Variants in ORC4 observed in about 807,000 individuals in gnomAD.
ORC4 encodes the protein origin recognition complex, subunit 4 homolog.
ORC4 carries 55 observed loss-of-function variants against 63.9 expected under a neutral mutation model. The observed-to-expected ratio is 0.86, with a 90% CI of 0.69 to 1.08. The LOEUF (loss-of-function observed/expected upper bound fraction) is 1.08. ORC4 is among the 50% of genes least tolerant of loss of function. ORC4 has a pLI of 0.00. For missense variants in ORC4, 511 were observed against 504.4 expected (o/e 1.01, Z -0.13); for synonymous variants, 150 against 168.5 (o/e 0.89, Z 0.85).
At chr2:147,952,089 C>T (rs1688988316) in intron 8 of ORC4, among the ~76,000 whole-genome samples, 1 of 152,124 alleles carries the variant, frequency 6.6e-6, no homozygotes, top group Non-Finnish European at 1.5e-5. Context: ...ATTTAACCGC[C>T]TCATTACTTG....
intron 9 of ORC4, among the ~76,000 whole-genome samples, chr2:147,944,816 G>T (rs1688568782): frequency 6.6e-6 from 1 of 151,688 alleles, no homozygotes; most frequent in African/African-American, 2.4e-5. Context: ...TAGTCTACTG[G>T]AATAAAATTT....
chr2:147,967,315 T>C (rs1184207218), intron 4 of ORC4, among the ~76,000 whole-genome samples: 3 of 152,040 alleles, frequency 2.0e-5, no homozygotes, highest in Non-Finnish European at 4.4e-5. Context: ...TTCAATATAG[T>C]ACTAGATGTT....
chr2:148,004,548 G>T (rs554153695), intron 1 of ORC4, among the ~76,000 whole-genome samples: 48 of 152,256 alleles, frequency 3.2e-4, no homozygotes, highest in African/African-American at 1.0e-3. Flanking sequence ...AAATGGTGTT[G>T]GGAAAACTGG....
intron 1 of ORC4, among the ~76,000 whole-genome samples, chr2:148,008,207 T>C (rs948231580): frequency 2.6e-5 from 4 of 152,206 alleles, no homozygotes; most frequent in Admixed American, 6.5e-5. Context: ...AGAAATCATC[T>C]GAAGGTATAA....
intron 13 of ORC4, 137 bp downstream of exon 13, chr2:147,938,009 T>C (rs530610821): frequency 1.4e-6 from 1 of 701,910 alleles, no homozygotes; most frequent in East Asian, 2.7e-5. Context: ...ATTTCATTTT[T>C]AGATAATTTT....
chr2:148,013,764 G>A (rs1693108233), intron 1 of ORC4, among the ~76,000 whole-genome samples: 1 of 152,024 alleles, frequency 6.6e-6, no homozygotes, highest in South Asian at 2.1e-4. Context: ...TTGGCTCAAA[G>A]CATAAATATA....
At chr2:147,971,133 T>C (rs1440597697) in intron 4 of ORC4, among the ~76,000 whole-genome samples, 1 of 152,072 alleles carries the variant, frequency 6.6e-6, no homozygotes, top group Non-Finnish European at 1.5e-5. Context: ...CAAGACCCTA[T>C]TCTTGTAAGT....
chr2:147,953,187 A>T (rs1358553075), intron 7 of ORC4, among the ~76,000 whole-genome samples: 1 of 142,234 alleles, frequency 7.0e-6, no homozygotes, highest in African/African-American at 2.7e-5. Flanking sequence ...AAAAAAAAAA[A>T]TTAGCTACTT....
In ORC4 at chr2:147,976,007, G is replaced by A. The variant is rs776768005; in HGVS notation, c.-17-32C>T. Reference sequence around the variant, plus strand: ...AAAAATTGGCATAAATATTATAAACGTAGTGACTTAAAGAGATTACTTAAG... The same window carrying A: ...AAAAATTGGCATAAATATTATAAACATAGTGACTTAAAGAGATTACTTAAG... On this transcript the variant is annotated intron_variant, in intron 1 of 13. Coordinates refer to ENST00000392857, the MANE Select transcript of ORC4 (RefSeq NM_181741.4). The A allele has an allele frequency of 2.9e-5, 30 of 1,029,184 alleles. No homozygotes were observed. In the Admixed American group the frequency reaches 3.9e-4, roughly 13 times the overall value. 63.8% of individuals were successfully genotyped at this position (1,029,184 alleles called of 1,614,324 possible).
At chr2:147,983,288 G>A (rs148788924) in intron 1 of ORC4, among the ~76,000 whole-genome samples, 6 of 152,260 alleles carry the variant, frequency 3.9e-5, no homozygotes, top group South Asian at 2.1e-4. Flanking sequence ...AAATTTATTC[G>A]TAATAGTCAA....
chr2:148,005,494 T>C (rs755468749), intron 1 of ORC4, among the ~76,000 whole-genome samples: 1 of 151,896 alleles, frequency 6.6e-6, no homozygotes, highest in Non-Finnish European at 1.5e-5. Flanking sequence ...GTAACAAACC[T>C]ACATGTTCTG....
chr2:147,970,400 C>T (rs796320144), intron 4 of ORC4, among the ~76,000 whole-genome samples: 7 of 152,006 alleles, frequency 4.6e-5, no homozygotes, highest in South Asian at 2.1e-4. Context: ...TGCAGAAGAA[C>T]GAGGTCAGAA....
At chr2:147,977,885 T>C (rs1355834619) in intron 1 of ORC4, among the ~76,000 whole-genome samples, 1 of 151,902 alleles carries the variant, frequency 6.6e-6, no homozygotes, top group Non-Finnish European at 1.5e-5. Flanking sequence ...CACAGCTGAG[T>C]GGGGCTGGAA....
chr2:147,981,099 A>T (rs979032449), intron 1 of ORC4, among the ~76,000 whole-genome samples: 3 of 152,240 alleles, frequency 2.0e-5, no homozygotes, highest in Admixed American at 2.0e-4. Context: ...ATATTCTGTT[A>T]GCTGAAATAA....
At position 147,984,012 on chromosome 2, in the gene ORC4, T is replaced by C. The variant is rs191886146; in HGVS notation, c.-17-8037A>G. On this transcript the variant is annotated intron_variant, in intron 1 of 13. Transcript: ENST00000392857. The stretch of plus-strand genomic sequence containing the variant: ...CAGAACGGTTCTGAATATACAAGAC[T>C]ACTCTTGACTTCTTTTACGACATGG... Among the ~76,000 whole-genome samples, 31 of 152,326 alleles carry C rather than the reference T, an allele frequency of 2.0e-4. 2 individuals carry two copies. The East Asian group carries it at 6.0e-3, about 29-fold the overall frequency.
intron 9 of ORC4, among the ~76,000 whole-genome samples, chr2:147,945,022 T>G (rs1328683967): frequency 6.6e-6 from 1 of 152,040 alleles, no homozygotes; most frequent in Non-Finnish European, 1.5e-5. Context: ...AAAAAAAAAT[T>G]TGTTTAGCTT....
chr2:147,970,414 T>A (rs1442168716), intron 4 of ORC4, among the ~76,000 whole-genome samples: 1 of 152,058 alleles, frequency 6.6e-6, no homozygotes, highest in Non-Finnish European at 1.5e-5. Flanking sequence ...GTCAGAAGAC[T>A]GACAGTACTT....
chr2:147,957,464 G>A (rs941879252), intron 6 of ORC4, among the ~76,000 whole-genome samples: 1 of 151,784 alleles, frequency 6.6e-6, no homozygotes, highest in Non-Finnish European at 1.5e-5. Flanking sequence ...TAAGCAGTAT[G>A]AGGCTAGGTA....
At position 147,982,580 on chromosome 2, in the gene ORC4, T is replaced by A. The variant is rs183055101; in HGVS notation, c.-17-6605A>T. 9.8e-5 allele frequency among the ~76,000 whole-genome samples: 15 copies of A among 152,318 alleles called. No individual in the cohort carries two copies. The East Asian group carries it at 2.9e-3, about 29-fold the overall frequency. ...CCCTTTGCATCATATATAAATCAGGTAAGCTATTAAGATAATTCATTTTTT... is the reference window on the plus strand; with the variant it reads ...CCCTTTGCATCATATATAAATCAGGAAAGCTATTAAGATAATTCATTTTTT... On this transcript the variant is annotated intron_variant, in intron 1 of 13. Transcript: ENST00000392857.
Sources: gnomAD v4.1 joint callset for allele counts (sites outside exome capture counted in the v4.1 genomes callset) on GRCh38, gnomAD v4.1.1 for gene constraint, MANE v1.5 for transcripts, NCBI Gene and HGNC (gene_info 2026-07-23, HGNC 2026-07-21) for gene names.